ADORA2B: variants seen among roughly 807,000 people sequenced by gnomAD.
The protein encoded by ADORA2B is adenosine A2b receptor, also known as adenosine receptor A2b.
In ADORA2B, 18 loss-of-function variants were observed where a neutral mutation model predicts 20.8. The ratio of observed to expected loss-of-function variants is 0.87; its 90% CI spans 0.60 to 1.29. ADORA2B has a LOEUF of 1.29. ADORA2B is among the 50% of genes most tolerant of loss of function. The probability of loss-of-function intolerance (pLI) is 0.00; values close to 1 mark genes in which losing one functional copy is unlikely to be tolerated. For missense variants in ADORA2B, 441 were observed against 422.7 expected (o/e 1.04, Z -0.38); for synonymous variants, 179 against 178.3 (o/e 1.00, Z -0.03).
the ADORA2B span, among the ~76,000 whole-genome samples, chr17:15,855,661 A>G: frequency 1.3e-5 from 2 of 151,864 alleles, no homozygotes; most frequent in African/African-American, 2.4e-5. Flanking sequence ...TATAAGCACA[A>G]TGTTGTACAG....
the ADORA2B span, among the ~76,000 whole-genome samples, chr17:15,918,050 A>T: frequency 6.6e-6 from 1 of 152,022 alleles, no homozygotes; most frequent in African/African-American, 2.4e-5. Context: ...CAACATTGCT[A>T]TCTCGTGGTC....
chr17:15,866,724 G>A, the ADORA2B span, among the ~76,000 whole-genome samples: 7 of 145,348 alleles, frequency 4.8e-5, no homozygotes, highest in African/African-American at 7.7e-5. Context: ...TGCCTCTGCC[G>A]CTGCCGCTGC....
At chr17:15,867,261 A>G in the ADORA2B span, among the ~76,000 whole-genome samples, 2 of 148,090 alleles carry the variant, frequency 1.4e-5, no homozygotes, top group African/African-American at 5.0e-5. Context: ...CTGGGATGTG[A>G]GGAGCCTCTC....
At chr17:15,898,897 T>C in the ADORA2B span, among the ~76,000 whole-genome samples, 3 of 152,122 alleles carry the variant, frequency 2.0e-5, no homozygotes, top group Non-Finnish European at 4.4e-5. Flanking sequence ...ATTTCCTACA[T>C]TCTTAAACAT....
chr17:15,918,562 T>TC, the ADORA2B span, among the ~76,000 whole-genome samples: 1 of 152,146 alleles, frequency 6.6e-6, no homozygotes, highest in Non-Finnish European at 1.5e-5. Context: ...ACCTCCGCCT[T>TC]CCGGATTCAA....
chr17:15,891,788 T>C, the ADORA2B span, among the ~76,000 whole-genome samples: 1 of 151,460 alleles, frequency 6.6e-6, no homozygotes, highest in African/African-American at 2.4e-5. Context: ...TTCAAGTGAC[T>C]GTCCTGCCTC....
chr17:15,877,068 G>A, the ADORA2B span, among the ~76,000 whole-genome samples: 1 of 152,230 alleles, frequency 6.6e-6, no homozygotes, highest in South Asian at 2.1e-4. Flanking sequence ...CCACATTATA[G>A]CATGTCAGAA....
At chr17:15,881,184 C>T in the ADORA2B span, among the ~76,000 whole-genome samples, 26 of 152,164 alleles carry the variant, frequency 1.7e-4, no homozygotes, top group African/African-American at 5.8e-4. Flanking sequence ...TCACTGCAAC[C>T]TCTGCCTCCC....
At chr17:15,880,133 C>A in the ADORA2B span, among the ~76,000 whole-genome samples, 1 of 143,058 alleles carries the variant, frequency 7.0e-6, no homozygotes, top group Non-Finnish European at 1.5e-5. Context: ...GACCCCGGTG[C>A]CTCAGTGGCA....
chr17:15,867,972 C>T, the ADORA2B span, among the ~76,000 whole-genome samples: 1,205 of 150,684 alleles, frequency 8.0e-3, 17 homozygotes, highest in African/African-American at 0.028. Flanking sequence ...GGATGGTTGC[C>T]GTGTCTGTGT....
At chr17:15,947,525 A>T (rs956183926) in intron 1 of ADORA2B, among the ~76,000 whole-genome samples, 1 of 152,212 alleles carries the variant, frequency 6.6e-6, no homozygotes, top group South Asian at 2.1e-4. Flanking sequence ...CAAGGGCAGG[A>T]GGGAAGAACA....
At chr17:15,950,165 A>T (rs1969879163) in intron 1 of ADORA2B, among the ~76,000 whole-genome samples, 1 of 152,210 alleles carries the variant, frequency 6.6e-6, no homozygotes, top group Admixed American at 6.5e-5. Context: ...GCGGCCTCTT[A>T]ATGCATTTGC....
chr17:15,916,650 A>G, the ADORA2B span, among the ~76,000 whole-genome samples: 2 of 152,338 alleles, frequency 1.3e-5, no homozygotes, highest in Non-Finnish European at 2.9e-5. Context: ...CAATTACATC[A>G]GGGGTCAATC....
intron 1 of ADORA2B, among the ~76,000 whole-genome samples, chr17:15,965,624 G>A (rs1970106665): frequency 6.6e-6 from 1 of 152,276 alleles, no homozygotes; most frequent in Non-Finnish European, 1.5e-5. Context: ...GGCAAAGGAG[G>A]TGGAATAGTG....
the ADORA2B span, among the ~76,000 whole-genome samples, chr17:15,883,239 A>G: frequency 7.2e-5 from 11 of 152,356 alleles, no homozygotes; most frequent in South Asian, 2.1e-3. Flanking sequence ...TTATTTTCTT[A>G]GTAAGCACAT....
chr17:15,874,493 G>A, the ADORA2B span, among the ~76,000 whole-genome samples: 1 of 151,778 alleles, frequency 6.6e-6, no homozygotes, highest in South Asian at 2.1e-4. Context: ...TTTGAAACCA[G>A]CCTGGGCAAC....
chr17:15,933,048 C>T, the ADORA2B span, among the ~76,000 whole-genome samples: 4 of 151,120 alleles, frequency 2.6e-5, no homozygotes, highest in Admixed American at 6.6e-5. Context: ...CTCTGCCTCC[C>T]GGGTTCACAC....
chr17:15,863,923 TGTG>T, the ADORA2B span: 1 of 152,284 alleles, frequency 6.6e-6, no homozygotes, highest in African/African-American at 2.4e-5. Context: ...ATGTAACTAA[TGTG>T]GTTGTTTCTT....
At chr17:15,945,968 A>G (rs1969800309) in intron 1 of ADORA2B, among the ~76,000 whole-genome samples, 1 of 152,146 alleles carries the variant, frequency 6.6e-6, no homozygotes, top group African/African-American at 2.4e-5. Flanking sequence ...CACTCCTGCC[A>G]CGAAGGCCGT....
Sources: gnomAD v4.1 joint callset for allele counts (sites outside exome capture counted in the v4.1 genomes callset) on GRCh38, gnomAD v4.1.1 for gene constraint, MANE v1.5 for transcripts, NCBI Gene and HGNC (gene_info 2026-07-23, HGNC 2026-07-21) for gene names.